Variants in PCDHGA3 observed in about 807,000 individuals in gnomAD.
PCDHGA3 encodes the protein protocadherin gamma-A3.
A neutral mutation model predicts 58.5 loss-of-function variants in PCDHGA3; 40 were observed. The ratio of observed to expected loss-of-function variants is 0.68; its 90% CI spans 0.53 to 0.89. The LOEUF (loss-of-function observed/expected upper bound fraction) is 0.89. Ranked by LOEUF, PCDHGA3 falls within the 40% of genes least tolerant of loss-of-function variation. The pLI, the probability that PCDHGA3 is intolerant of heterozygous loss-of-function variation, is 0.00. For missense variants in PCDHGA3, 1,223 were observed against 1,195.9 expected (o/e 1.02, Z -0.33); for synonymous variants, 530 against 525.7 (o/e 1.01, Z -0.11).
intron 1 of PCDHGA3, among the ~76,000 whole-genome samples, chr5:141,369,256 A>G (rs1385163233): frequency 6.6e-6 from 1 of 152,192 alleles, no homozygotes. Context: ...AAATAATATA[A>G]TTATAAGGAC....
At chr5:141,429,912 A>G (rs1341795921) in intron 1 of PCDHGA3, among the ~76,000 whole-genome samples, 2 of 152,234 alleles carry the variant, frequency 1.3e-5, no homozygotes, top group Admixed American at 1.3e-4. Flanking sequence ...TTGAAATATA[A>G]TGTATTAATA....
chr5:141,485,359 C>T lies in PCDHGA3; in HGVS notation c.2425-9448C>T. ...TGGATACGGACAGTCTGTCAGCTCG[C>T]AGGCTGCAGGTCGCTGGAGAGGTGA... is the stretch of plus-strand genomic sequence containing the variant. On this transcript the variant is annotated intron_variant, in intron 1 of 3. Transcript: ENST00000253812. The surrounding 1 kb of genome is among the most constrained non-coding windows in gnomAD (Gnocchi z 5.7). 6.2e-7 allele frequency: 1 copy of T among 1,614,144 alleles called. No homozygotes were observed. The highest frequency in any genetic ancestry group is 8.5e-7 in the Non-Finnish European group (1 of 1,180,010).
Position 141,374,705 on chromosome 5 carries a change from T to A in PCDHGA3, c.2424+28248T>A, listed in dbSNP as rs188037010. On this transcript the variant is annotated intron_variant, in intron 1 of 3. Coordinates refer to ENST00000253812, the MANE Select transcript of PCDHGA3 (RefSeq NM_018916.4). ...ACTGGACCGGGAAGGAGAAGCCGTTTACCGCCTGGTCCTTACTGCCATGGA... is the reference window on the plus strand; with the variant it reads ...ACTGGACCGGGAAGGAGAAGCCGTTAACCGCCTGGTCCTTACTGCCATGGA... 8 of 1,609,374 alleles carry A rather than the reference T, an allele frequency of 5.0e-6. No homozygotes were observed. In the African/African-American group the frequency reaches 8.0e-5, roughly 16 times the overall value.
chr5:141,481,183 G>A (rs2099533234), intron 1 of PCDHGA3, among the ~76,000 whole-genome samples: 1 of 152,146 alleles, frequency 6.6e-6, no homozygotes, highest in African/African-American at 2.4e-5. Flanking sequence ...GCTTTATTGG[G>A]CCAGGCCCAA....
At chr5:141,361,701 T>A (rs376967719) in intron 1 of PCDHGA3, 65 of 1,613,296 alleles carry the variant, frequency 4.0e-5, no homozygotes, top group Non-Finnish European at 5.5e-5. Context: ...CCTTCGATCA[T>A]GAGCAGCTGC....
At chr5:141,360,900 G>A in intron 1 of PCDHGA3, 1 of 1,614,038 alleles carries the variant, frequency 6.2e-7, no homozygotes, top group Non-Finnish European at 8.5e-7. Context: ...GGGAGGACGT[G>A]CCGCCGGGCT....
In PCDHGA3 at chr5:141,345,837, G is replaced by T. The variant is rs1274183980; in HGVS notation, c.1804G>T (p.Ala602Ser). The change falls in exon 1 of 4, where the codon GCC becomes TCC. Residue 602 changes from alanine to serine, a missense_variant. Ala to Ser is a moderately conservative substitution (Grantham distance 99, BLOSUM62 1). Around this residue, in one of 3 missense-constraint regions of PCDHGA3, gnomAD observed 107 missense variants for 159.8 expected, o/e 0.67. Transcript: ENST00000253812. ...GGTGGACAGAGACTCGGGCCAGAAC[G>T]CCTGGCTGTCCTACCGCCTGCTCAA... ...VAVDRDSGQN[A>S]WLSYRLLKAS... 3.1e-6 allele frequency: 5 copies of T among 1,613,346 alleles called. No individual in the cohort carries two copies. Among genetic ancestry groups the T allele is most frequent in the African/African-American group, 1.3e-5 (1 of 74,882 alleles).
intron 1 of PCDHGA3, among the ~76,000 whole-genome samples, chr5:141,483,021 G>A (rs543104114): frequency 6.6e-6 from 1 of 152,126 alleles, no homozygotes; most frequent in East Asian, 1.9e-4. Context: ...GGAGGCAGAG[G>A]TTGCAATGAG....
rs150053247 is a variant in PCDHGA3 at position 141,346,855 on chromosome 5, T to C, written c.2424+398T>C. Among the ~76,000 whole-genome samples, 41 of 152,352 alleles carry C rather than the reference T, an allele frequency of 2.7e-4. No homozygotes were observed. The East Asian group carries it at 5.2e-3, about 19-fold the overall frequency. ...AGGCCTTTTTCATTTTAAATCCCTG[T>C]GCTTTGGAGTTTGTCATTCCAACCT... is the stretch of plus-strand genomic sequence containing the variant. On this transcript the variant is annotated intron_variant, in intron 1 of 3. Coordinates refer to ENST00000253812, the MANE Select transcript of PCDHGA3 (RefSeq NM_018916.4).
intron 1 of PCDHGA3, chr5:141,364,524 G>A (rs773568307): frequency 3.1e-6 from 5 of 1,614,056 alleles, no homozygotes; most frequent in Middle Eastern, 1.7e-4. Context: ...CGCGGAGTCC[G>A]CATCGTCTCC....
rs375166529 is a variant in PCDHGA3, at chr5:141,399,734, C to G, written c.2424+53277C>G. The G allele has an allele frequency of 3.7e-6, 6 of 1,613,220 alleles. No homozygotes were observed. The African/African-American group carries it at 4.0e-5, about 11-fold the overall frequency. ...CTACAGGCCCGCGACCAGGGCTCGC[C>G]TGCGCTCAGCGCAAACGTGAGCCTG... On this transcript the variant is annotated intron_variant, in intron 1 of 3. Transcript: ENST00000253812.
Position 141,345,551 on chromosome 5 carries a change from T to G in PCDHGA3, c.1518T>G (p.Ser506=), listed in dbSNP as rs1199362529. The change falls in exon 1 of 4, where the codon TCT becomes TCG. Residue 506 remains serine, a synonymous_variant. Coordinates refer to ENST00000253812, the MANE Select transcript of PCDHGA3 (RefSeq NM_018916.4). Reference sequence around the variant, plus strand: ...GGGCGCCCCTGTCCTCCTTCGTCTCTATCAACTCCAACACTGGCGTCCTAT... The same window carrying G: ...GGGCGCCCCTGTCCTCCTTCGTCTCGATCAACTCCAACACTGGCGTCCTAT... ...LQGAPLSSFV[S]INSNTGVLYA... 2.5e-6 allele frequency: 4 copies of G among 1,614,066 alleles called. No individual in the cohort carries two copies. In the African/African-American group the frequency reaches 4.0e-5, roughly 16 times the overall value.
In PCDHGA3 at chr5:141,486,587, G is replaced by A. The variant is rs2099631441; in HGVS notation, c.2425-8220G>A. 6.2e-7 allele frequency: 1 copy of A among 1,613,478 alleles called. No homozygotes were observed. The highest frequency in any genetic ancestry group is 1.7e-5 in the Admixed American group (1 of 60,014). On this transcript the variant is annotated intron_variant, in intron 1 of 3. Coordinates refer to ENST00000253812, the MANE Select transcript of PCDHGA3 (RefSeq NM_018916.4). The surrounding 1 kb of genome is among the most constrained non-coding windows in gnomAD (Gnocchi z 5.0). ...TGTTCCTGAGAACAATCGCCCAGGGGACCTGCTTTGCTCCCTTGCAGCCTC... is the reference window on the plus strand; with the variant it reads ...TGTTCCTGAGAACAATCGCCCAGGGAACCTGCTTTGCTCCCTTGCAGCCTC...
chr5:141,489,342 A>G lies in PCDHGA3; in HGVS notation c.2425-5465A>G. 3.7e-6 allele frequency: 6 copies of G among 1,609,084 alleles called. No homozygotes were observed. The Middle Eastern group carries it at 6.6e-4, about 178-fold the overall frequency. On this transcript the variant is annotated intron_variant, in intron 1 of 3. Transcript: ENST00000253812. The surrounding 1 kb of genome is among the most constrained non-coding windows in gnomAD (Gnocchi z 4.5). ...GGGTGTCTGGGCAGCTTCGTTACTCAGTGGTGGAGGAGTCTGAGCCGGGGA... is the reference window on the plus strand; with the variant it reads ...GGGTGTCTGGGCAGCTTCGTTACTCGGTGGTGGAGGAGTCTGAGCCGGGGA...
At position 141,431,363 on chromosome 5, in the gene PCDHGA3, C is replaced by T. The variant is rs765751691; in HGVS notation, c.2425-63444C>T. On this transcript the variant is annotated intron_variant, in intron 1 of 3. Transcript: ENST00000253812. The surrounding 1 kb of genome is among the most constrained non-coding windows in gnomAD (Gnocchi z 4.8). The stretch of plus-strand genomic sequence containing the variant: ...ATTGGTGCTGAAACGCGCCCTGGAC[C>T]GCGAAGAAAAGGCTGCTCACCACCT... 1 of 1,614,024 alleles carries T rather than the reference C, an allele frequency of 6.2e-7. No homozygotes were observed. The highest frequency in any genetic ancestry group is 2.2e-5 in the East Asian group (1 of 44,882).
Position 141,476,217 on chromosome 5 carries a change from A to G in PCDHGA3, c.2425-18590A>G. On this transcript the variant is annotated intron_variant, in intron 1 of 3. Coordinates refer to ENST00000253812, the MANE Select transcript of PCDHGA3 (RefSeq NM_018916.4). This position sits in a 1 kb window ranked among gnomAD's most constrained non-coding sequence, Gnocchi z 7.6. ...TTGAACAAGGCTTCCACGGTCATTC[A>G]CTATGAGATCCCGGAGGAAAGAGAG... The G allele has an allele frequency of 6.2e-7, 1 of 1,613,836 alleles. No homozygotes were observed. The highest frequency in any genetic ancestry group is 2.2e-5 in the East Asian group (1 of 44,818).
At chr5:141,458,787 C>A (rs968490647) in intron 1 of PCDHGA3, among the ~76,000 whole-genome samples, 1 of 152,004 alleles carries the variant, frequency 6.6e-6, no homozygotes, top group African/African-American at 2.4e-5. Flanking sequence ...GGCTGGAGTG[C>A]AGTGGTGTGA....
chr5:141,352,802 C>T (rs993327157), intron 1 of PCDHGA3: 8 of 903,664 alleles, frequency 8.9e-6, no homozygotes, highest in Middle Eastern at 2.9e-4. Flanking sequence ...CCAGCATAGC[C>T]AAGATGGTAA....
At chr5:141,413,220 C>A in intron 1 of PCDHGA3, 1 of 1,613,330 alleles carries the variant, frequency 6.2e-7, no homozygotes, top group South Asian at 1.1e-5. Flanking sequence ...AGGATTGCAG[C>A]GGGCTGGTCC....
Sources: gnomAD v4.1 joint callset for allele counts (sites outside exome capture counted in the v4.1 genomes callset) on GRCh38, gnomAD v4.1.1 for gene constraint, gnomAD v4.1.1 regional missense constraint, Gnocchi (gnomAD v3.1) non-coding constraint, MANE v1.5 for transcripts, NCBI Gene and HGNC (gene_info 2026-07-23, HGNC 2026-07-21) for gene names.